YAP1: variants seen among roughly 807,000 people sequenced by gnomAD.
YAP1 encodes the protein transcriptional coactivator YAP1.
YAP1 carries 5 observed loss-of-function variants against 56.9 expected under a neutral mutation model. The observed-to-expected ratio is 0.09, with a 90% CI of 0.05 to 0.18. YAP1 has a LOEUF of 0.18. Among genes scored for constraint, YAP1 ranks in the 10% least tolerant of loss-of-function variants. YAP1 has a pLI of 1.00. For missense variants in YAP1, 539 were observed against 651.8 expected, an observed-to-expected ratio of 0.83 and a Z score of 1.88; for synonymous variants, 265 against 248.1, an observed-to-expected ratio of 1.07 and a Z score of -0.64.
chr11:102,153,831 C>G (rs996260436), intron 2 of YAP1, among the ~76,000 whole-genome samples: 3 of 151,368 alleles, frequency 2.0e-5, no homozygotes, highest in African/African-American at 7.3e-5. Context: ...GAATAATATT[C>G]CTCTCCATAC....
chr11:102,214,733 A>G (rs575596603), intron 6 of YAP1, among the ~76,000 whole-genome samples: 6 of 152,330 alleles, frequency 3.9e-5, no homozygotes, highest in Admixed American at 2.0e-4. Flanking sequence ...CACACCTCAC[A>G]TACTTTTAAC....
intron 6 of YAP1, among the ~76,000 whole-genome samples, chr11:102,216,023 C>T (rs1949644414): frequency 6.6e-6 from 1 of 152,140 alleles, no homozygotes; most frequent in South Asian, 2.1e-4. Flanking sequence ...CGTGAACACA[C>T]TCAGATAACA....
chr11:102,212,781 A>G (rs1461589932), intron 6 of YAP1, among the ~76,000 whole-genome samples: 1 of 152,088 alleles, frequency 6.6e-6, no homozygotes, highest in African/African-American at 2.4e-5. Context: ...GGGTTTCTCC[A>G]TGTTGGTCAG....
chr11:102,117,898 G>A (rs1204075186), intron 2 of YAP1, among the ~76,000 whole-genome samples: 1 of 152,128 alleles, frequency 6.6e-6, no homozygotes, highest in Non-Finnish European at 1.5e-5. Context: ...TTCTTCAGCT[G>A]TCTTACGGTT....
At chr11:102,112,751 C>CT (rs1943036664) in intron 1 of YAP1, 1 of 985,144 alleles carries the variant, frequency 1.0e-6, no homozygotes, top group Admixed American at 6.2e-5. Context: ...CTTAGGTATG[C>CT]TTTTTTCTCT....
chr11:102,134,698 C>G (rs1262640615), intron 2 of YAP1, among the ~76,000 whole-genome samples: 1 of 151,834 alleles, frequency 6.6e-6, no homozygotes, highest in Non-Finnish European at 1.5e-5. Flanking sequence ...TAACTTCTGG[C>G]CTTTTATTTT....
intron 2 of YAP1, among the ~76,000 whole-genome samples, chr11:102,116,720 T>C (rs766232426): frequency 6.6e-6 from 1 of 152,206 alleles, no homozygotes; most frequent in Non-Finnish European, 1.5e-5. Flanking sequence ...TCAGTGTTTC[T>C]GGGGAACTTT....
chr11:102,213,587 C>T (rs1388299263), intron 6 of YAP1, among the ~76,000 whole-genome samples: 1 of 152,142 alleles, frequency 6.6e-6, no homozygotes, highest in Non-Finnish European at 1.5e-5. Flanking sequence ...TGGTCAGTAG[C>T]CTTTTCACTC....
In YAP1 at chr11:102,205,938, C is replaced by T. The variant is rs1565267606; in HGVS notation, c.848C>T (p.Pro283Leu). 6.2e-7 allele frequency: 1 copy of T among 1,608,618 alleles called. No individual in the cohort carries two copies. Among genetic ancestry groups the T allele is most frequent in the Admixed American group, 1.7e-5 (1 of 59,654 alleles). The change falls in exon 5 of 9, where the codon CCA becomes CTA. Residue 283 changes from proline (P) to leucine (L), a missense_variant. Pro to Leu is a moderately conservative substitution (Grantham distance 98). Coordinates refer to ENST00000282441, the MANE Select transcript of YAP1 (RefSeq NM_001130145.3). ...CAGAGTGCTCCAGTGAAACAGCCAC[C>T]ACCCCTGGCTCCCCAGAGCCCACAG... ...ISQSAPVKQP[P>L]PLAPQSPQGG...
intron 2 of YAP1, among the ~76,000 whole-genome samples, chr11:102,162,158 A>G (rs1201107041): frequency 6.6e-6 from 1 of 152,228 alleles, no homozygotes; most frequent in African/African-American, 2.4e-5. Context: ...ACTACATTGT[A>G]TCTTTGCATT....
intron 2 of YAP1, among the ~76,000 whole-genome samples, chr11:102,128,348 T>C (rs1422103593): frequency 6.6e-6 from 1 of 152,290 alleles, no homozygotes; most frequent in African/African-American, 2.4e-5. Flanking sequence ...CTCATGATAA[T>C]GAATAAGTCT....
chr11:102,175,027 A>C (rs1447163392), intron 3 of YAP1, among the ~76,000 whole-genome samples: 1 of 152,210 alleles, frequency 6.6e-6, no homozygotes, highest in African/African-American at 2.4e-5. Flanking sequence ...TGGCAGAAGA[A>C]TCTTCTAAGT....
intron 2 of YAP1, among the ~76,000 whole-genome samples, chr11:102,130,225 G>T (rs984337889): frequency 6.6e-6 from 1 of 152,124 alleles, no homozygotes; most frequent in East Asian, 1.9e-4. Flanking sequence ...GTGAGGAAGA[G>T]TGGAACAGAA....
intron 2 of YAP1, among the ~76,000 whole-genome samples, chr11:102,146,866 A>C (rs899803233): frequency 6.6e-6 from 1 of 152,164 alleles, no homozygotes; most frequent in African/African-American, 2.4e-5. Flanking sequence ...TTTGTGCTCA[A>C]ATGTTGCTAA....
At chr11:102,117,802 A>G (rs368698664) in intron 2 of YAP1, among the ~76,000 whole-genome samples, 7 of 152,240 alleles carry the variant, frequency 4.6e-5, no homozygotes, top group African/African-American at 1.7e-4. Flanking sequence ...TACTACATTT[A>G]CTATTCAAAA....
intron 3 of YAP1, among the ~76,000 whole-genome samples, chr11:102,183,087 T>C (rs1947723839): frequency 6.6e-6 from 1 of 152,174 alleles, no homozygotes; most frequent in South Asian, 2.1e-4. Flanking sequence ...AATCAAGTAA[T>C]TACAATTCTA....
At chr11:102,133,382 A>AC (rs1565441411) in intron 2 of YAP1, among the ~76,000 whole-genome samples, 1 of 151,824 alleles carries the variant, frequency 6.6e-6, no homozygotes, top group Non-Finnish European at 1.5e-5. Context: ...TGCAGCCTCC[A>AC]CCTCCTGGGT....
At chr11:102,111,520 A>AAAGTCGGGGGTGGGG (rs1356891264) in intron 1 of YAP1, among the ~76,000 whole-genome samples, 3 of 366 alleles carry the variant, frequency 8.2e-3, no homozygotes, top group Non-Finnish European at 0.018. Flanking sequence ...GGGGGTGGGG[A>AAAGTCGGGGGTGGGG]AAAGTCGGGC....
chr11:102,202,053 T>A (rs141013469), intron 4 of YAP1, among the ~76,000 whole-genome samples: 1 of 152,168 alleles, frequency 6.6e-6, no homozygotes, highest in African/African-American at 2.4e-5. Flanking sequence ...TGAACATTGA[T>A]CAGAATAACT....
Sources: allele counts gnomAD v4.1 joint callset (sites outside exome capture counted in the v4.1 genomes callset), GRCh38; gene constraint gnomAD v4.1.1; transcripts MANE v1.5; gene names NCBI Gene and HGNC (gene_info 2026-07-23, HGNC 2026-07-21).